Variants in FGF14 observed in about 807,000 individuals in gnomAD.
The protein encoded by FGF14 is fibroblast growth factor homologous factor 4.
A neutral mutation model predicts 25.5 loss-of-function variants in FGF14; 5 were observed. The ratio of observed to expected loss-of-function variants is 0.20; its 90% confidence interval spans 0.10 to 0.41. The LOEUF (loss-of-function observed/expected upper bound fraction) is 0.41. Ranked by LOEUF, FGF14 falls within the 10% of genes least tolerant of loss-of-function variation. FGF14 has a pLI of 1.00. For missense variants in FGF14, 222 were observed against 320.1 expected (o/e 0.69, Z 2.34); for synonymous variants, 138 against 118.3 (o/e 1.17, Z -1.08).
intron 1 of FGF14, among the ~76,000 whole-genome samples, chr13:102,047,651 G>T (rs1311300239): frequency 2.0e-5 from 3 of 152,126 alleles, no homozygotes; most frequent in Non-Finnish European, 4.4e-5. Flanking sequence ...GACACAGGAA[G>T]GGGAACATCA....
intron 3 of FGF14, among the ~76,000 whole-genome samples, chr13:101,774,969 CAAAA>C (rs1213093814): frequency 3.7e-5 from 2 of 54,402 alleles, no homozygotes; most frequent in Non-Finnish European, 8.5e-5. Context: ...AACTCCATCT[CAAAA>C]AAAAAAAAAA....
rs962167795 is a variant in FGF14 at position 101,718,930 on chromosome 13, C to G, written c.*3901G>C. The G allele has an allele frequency of 7.2e-5, 11 of 151,972 alleles. No homozygotes were observed. The highest frequency in any genetic ancestry group is 2.7e-4 in the African/African-American group (11 of 41,394). 9.4% of individuals were successfully genotyped at this position (151,972 alleles called of 1,614,324 possible). Reference sequence around the variant, plus strand: ...CCTCAGCTATGACTACTATTTCACTCAAAGTAAGACCATGTACATCCTGGA... The same window carrying G: ...CCTCAGCTATGACTACTATTTCACTGAAAGTAAGACCATGTACATCCTGGA... On this transcript the variant is annotated 3_prime_UTR_variant, in exon 5 of 5. Coordinates refer to ENST00000376143, the MANE Select transcript of FGF14 (RefSeq NM_004115.4).
At chr13:102,386,032 G>A (rs2058293718) in intron 1 of FGF14, among the ~76,000 whole-genome samples, 1 of 151,662 alleles carries the variant, frequency 6.6e-6, no homozygotes, top group Non-Finnish European at 1.5e-5. Flanking sequence ...AACTTACACT[G>A]GCATATTTAT....
intron 1 of FGF14, among the ~76,000 whole-genome samples, chr13:102,322,751 G>A (rs2056294042): frequency 6.6e-6 from 1 of 152,078 alleles, no homozygotes; most frequent in South Asian, 2.1e-4. Context: ...ATACTAAAAT[G>A]TGTCTAAATT....
chr13:101,890,861 G>A (rs553223128), intron 1 of FGF14, among the ~76,000 whole-genome samples: 3 of 152,258 alleles, frequency 2.0e-5, no homozygotes, highest in East Asian at 1.9e-4. Context: ...TAGGGGCAAA[G>A]GTGGAGCCAG....
At chr13:102,104,617 A>C (rs1457163222) in intron 1 of FGF14, among the ~76,000 whole-genome samples, 3 of 152,026 alleles carry the variant, frequency 2.0e-5, no homozygotes, top group East Asian at 3.9e-4. Flanking sequence ...CTCTACAAAA[A>C]ATACACACAC....
At chr13:102,227,776 G>T (rs75160830) in intron 1 of FGF14, among the ~76,000 whole-genome samples, 5,791 of 152,224 alleles carry the variant, frequency 0.038, 154 homozygotes, top group Non-Finnish European at 0.059. Context: ...CCTCAGTAAA[G>T]GGGATGAGGA....
intron 1 of FGF14, among the ~76,000 whole-genome samples, chr13:102,068,394 C>T (rs1453376756): frequency 6.6e-6 from 1 of 152,234 alleles, no homozygotes; most frequent in Non-Finnish European, 1.5e-5. Context: ...GCCCTTCAGC[C>T]CACCGCTGCA....
chr13:102,387,783 G>T (rs2058340300), intron 1 of FGF14, among the ~76,000 whole-genome samples: 1 of 152,036 alleles, frequency 6.6e-6, no homozygotes, highest in South Asian at 2.1e-4. Flanking sequence ...CCAGGCTGGA[G>T]TGCAGTGGCA....
At chr13:102,358,566 G>A (rs560066474) in intron 1 of FGF14, among the ~76,000 whole-genome samples, 1 of 152,144 alleles carries the variant, frequency 6.6e-6, no homozygotes, top group Non-Finnish European at 1.5e-5. Context: ...AAGTAGTATC[G>A]TGTACATCTG....
intron 1 of FGF14, among the ~76,000 whole-genome samples, chr13:102,142,150 G>A (rs551637431): frequency 7.8e-4 from 118 of 152,218 alleles, no homozygotes; most frequent in African/African-American, 2.5e-3. Context: ...ATTAGCAAAA[G>A]TATTCATATT....
intron 3 of FGF14, among the ~76,000 whole-genome samples, chr13:101,740,158 A>G (rs989223744): frequency 3.3e-5 from 5 of 152,210 alleles, no homozygotes; most frequent in African/African-American, 1.2e-4. Flanking sequence ...CGGGGAGCTC[A>G]GATTTTGAGG....
intron 1 of FGF14, among the ~76,000 whole-genome samples, chr13:101,899,524 T>G (rs1337142729): frequency 1.3e-5 from 2 of 151,932 alleles, no homozygotes; most frequent in Non-Finnish European, 2.9e-5. Flanking sequence ...ATAAATAATT[T>G]TAAAATGTTT....
intron 1 of FGF14, among the ~76,000 whole-genome samples, chr13:102,193,808 T>C (rs1399986329): frequency 3.3e-5 from 5 of 152,172 alleles, no homozygotes; most frequent in Non-Finnish European, 5.9e-5. Flanking sequence ...CTACATCATA[T>C]TATCTAAAAT....
rs185808003 is a variant in FGF14, at chr13:101,930,416, C to A, written c.209-55120G>T. Among the ~76,000 whole-genome samples the A allele has an allele frequency of 2.4e-3, 370 of 152,274 alleles. 4 individuals carry two copies. The highest frequency in any genetic ancestry group is 8.4e-3 in the African/African-American group (350 of 41,554). Reference sequence around the variant, plus strand: ...TAAACATACTTCATTGTATTTATAGCACACTCATGTCCCCATATCCTAGTG... The same window carrying A: ...TAAACATACTTCATTGTATTTATAGAACACTCATGTCCCCATATCCTAGTG... On this transcript the variant is annotated intron_variant, in intron 1 of 4. Coordinates refer to the FGF14 transcript ENST00000376131.
chr13:101,973,659 C>A (rs1594876854), intron 1 of FGF14, among the ~76,000 whole-genome samples: 1 of 152,118 alleles, frequency 6.6e-6, no homozygotes, highest in African/African-American at 2.4e-5. Context: ...GGAGGCTAGG[C>A]CAGTCTCTCT....
intron 3 of FGF14, among the ~76,000 whole-genome samples, chr13:101,836,961 T>C (rs942355461): frequency 7.2e-5 from 11 of 152,072 alleles, no homozygotes; most frequent in African/African-American, 2.4e-4. Flanking sequence ...TTAGAATTGA[T>C]AGCTGAAGTT....
Position 101,923,137 on chromosome 13 carries a change from T to C in FGF14, c.209-47841A>G, listed in dbSNP as rs148975279. On this transcript the variant is annotated intron_variant, in intron 1 of 4. Coordinates refer to the FGF14 transcript ENST00000376131. ...TAAAGGTGTTTATACATAAAAAGTA[T>C]TGGCATCTAAGAATCACTAAAATAT... 4.4e-3 allele frequency among the ~76,000 whole-genome samples: 673 copies of C among 152,214 alleles called. 3 individuals are homozygous for C. The highest frequency in any genetic ancestry group is 0.015 in the African/African-American group (638 of 41,568).
intron 4 of FGF14, among the ~76,000 whole-genome samples, chr13:101,724,127 C>G (rs1210614262): frequency 1.3e-5 from 2 of 152,042 alleles, no homozygotes; most frequent in Non-Finnish European, 2.9e-5. Flanking sequence ...ACATTCCAAT[C>G]CCTCACTCCT....
Sources: allele counts gnomAD v4.1 joint callset (sites outside exome capture counted in the v4.1 genomes callset), GRCh38; gene constraint gnomAD v4.1.1; transcripts MANE v1.5; gene names NCBI Gene and HGNC (gene_info 2026-07-23, HGNC 2026-07-21).